Variants in ZNF479 observed in about 807,000 individuals in gnomAD.
The protein encoded by ZNF479 is KRAB zinc finger protein KR19.
A neutral mutation model predicts 14.7 loss-of-function variants in ZNF479; 15 were observed. The ratio of observed to expected loss-of-function variants is 1.02; its 90% CI spans 0.68 to 1.57. The LOEUF is 1.57. Among genes scored for constraint, ZNF479 ranks in the 40% most tolerant of loss-of-function variants. The probability of loss-of-function intolerance (pLI) is 0.00; values close to 1 mark genes in which losing one functional copy is unlikely to be tolerated. For synonymous variants in ZNF479, 145 were observed against 211.5 expected (o/e 0.69, Z 2.73); for missense variants, 506 against 615.1 (o/e 0.82, Z 1.88).
chr7:57,120,242 C>T lies in ZNF479; in HGVS notation c.1173G>A (p.Arg391=), dbSNP rs1785853879. 6.2e-7 allele frequency: 1 copy of T among 1,607,638 alleles called. No homozygotes were observed. The highest frequency in any genetic ancestry group is 8.5e-7 in the Non-Finnish European group (1 of 1,178,302). The change falls in exon 4 of 4, where the codon AGG becomes AGA. Residue 391 remains arginine, a synonymous_variant. Transcript: ENST00000319636. ...TGTGGATAGTAAGTGCTGAGGAGCGCCTAAAGTCTTGGCCACATTCTTCAC... is the reference window on the plus strand; with the variant it reads ...TGTGGATAGTAAGTGCTGAGGAGCGTCTAAAGTCTTGGCCACATTCTTCAC... ...YTCEECGQDF[R]RSSALTIHKR... is the part of the protein sequence containing the mutation.
intron 3 of ZNF479, among the ~76,000 whole-genome samples, chr7:57,121,710 G>A (rs1271008430): frequency 6.6e-6 from 1 of 152,178 alleles, no homozygotes; most frequent in Non-Finnish European, 1.5e-5. Context: ...ACAGGAAGGA[G>A]CTGCATTATA....
At chr7:57,125,707 A>G (rs1184824428) in intron 3 of ZNF479, among the ~76,000 whole-genome samples, 16 of 152,114 alleles carry the variant, frequency 1.1e-4, no homozygotes, top group Non-Finnish European at 1.9e-4. Context: ...AAATATGCAG[A>G]TATTAGTGTG....
upstream of ZNF479, among the ~76,000 whole-genome samples, chr7:57,137,342 A>G (rs1470308866): frequency 2.0e-5 from 3 of 151,570 alleles, no homozygotes; most frequent in Non-Finnish European, 4.4e-5. Flanking sequence ...ACTAAAAAAG[A>G]AAAAAAAGAG....
chr7:57,131,587 C>CA lies in ZNF479; in HGVS notation c.39+698dup, dbSNP rs57405080. On this transcript the variant is annotated intron_variant, in intron 1 of 3. Coordinates refer to ENST00000319636, the MANE Select transcript of ZNF479 (RefSeq NM_001370129.2). ...CAAAAATAAAAAACAAACAAACAAA[C>CA]AAAAAAAAAACATTTCTTGTAAATT... Among the ~76,000 whole-genome samples the CA allele has an allele frequency of 2.3e-3, 204 of 86,812 alleles. 5 individuals carry two copies. The highest frequency in any genetic ancestry group is 5.2e-3 in the African/African-American group (151 of 29,216). The allele number at this position is 86,812 out of a possible 152,430, so 57.0% of individuals were successfully genotyped here. A position where few individuals can be genotyped will look rare whatever the true frequency, so the allele number is the denominator to read the frequency against.
chr7:57,139,088 G>A (rs1786767676), intron 1 of ZNF479, among the ~76,000 whole-genome samples: 1 of 152,208 alleles, frequency 6.6e-6, no homozygotes. Context: ...AATCTCACAT[G>A]TGCCATATAA....
At chr7:57,134,938 T>C (rs1291895342), upstream of ZNF479, among the ~76,000 whole-genome samples, 1 of 152,072 alleles carries the variant, frequency 6.6e-6, no homozygotes, top group Non-Finnish European at 1.5e-5. Context: ...GCCTCCCAAA[T>C]TGCCGGGGTT....
In ZNF479 at chr7:57,118,115, G is replaced by T. The variant is rs199676868; in HGVS notation, c.*1725C>A. Among the ~76,000 whole-genome samples, 7,085 of 85,282 alleles carry T rather than the reference G, an allele frequency of 0.083. No individual in the cohort carries two copies. The highest frequency in any genetic ancestry group is 0.15 in the East Asian group (303 of 2,010). 55.9% of individuals were successfully genotyped at this position (85,282 alleles called of 152,430 possible). A position where few individuals can be genotyped will look rare whatever the true frequency, so the allele number is the denominator to read the frequency against. On this transcript the variant is annotated 3_prime_UTR_variant, in exon 4 of 4. Coordinates refer to ENST00000319636, the MANE Select transcript of ZNF479 (RefSeq NM_001370129.2). ...GTACAAACTGGTGTTTTCTAAGCTG[G>T]AGGTTTTGAAAAAATGTTTTTCACA... is the stretch of plus-strand genomic sequence containing the variant.
Position 57,118,505 on chromosome 7 carries a change from G to A in ZNF479, c.*1335C>T, listed in dbSNP as rs1294771439. 6.6e-6 allele frequency among the ~76,000 whole-genome samples: 1 copy of A among 151,968 alleles called. No individual in the cohort carries two copies. The highest frequency in any genetic ancestry group is 1.5e-5 in the Non-Finnish European group (1 of 68,004). On this transcript the variant is annotated 3_prime_UTR_variant, in exon 4 of 4. Transcript: ENST00000319636. ...TCCTACCTCTGCCTGCCAAGTAGCT[G>A]GGATTACAAGTGCACGCCACCACAC...
At chr7:57,131,018 G>C (rs888853722) in intron 1 of ZNF479, among the ~76,000 whole-genome samples, 30 of 152,090 alleles carry the variant, frequency 2.0e-4, no homozygotes, top group Admixed American at 7.2e-4. Flanking sequence ...ATAAAAAACT[G>C]TATGTTGTCA....
At chr7:57,125,798 T>A (rs201204691) in intron 3 of ZNF479, among the ~76,000 whole-genome samples, 14,602 of 139,428 alleles carry the variant, frequency 0.1, no homozygotes, top group East Asian at 0.18. Flanking sequence ...CACTGTGAAC[T>A]TGAAGAAAGA....
At chr7:57,138,319 T>A (rs1786736903) in intron 1 of ZNF479, among the ~76,000 whole-genome samples, 1 of 152,308 alleles carries the variant, frequency 6.6e-6, no homozygotes, top group Admixed American at 6.5e-5. Context: ...TCATGTATAT[T>A]CTATAAAGTC....
chr7:57,123,092 A>AT (rs895080944), intron 3 of ZNF479, among the ~76,000 whole-genome samples: 1 of 152,164 alleles, frequency 6.6e-6, no homozygotes, highest in Non-Finnish European at 1.5e-5. Flanking sequence ...AAAGAAAAAG[A>AT]TTTTTTTGAT....
chr7:57,120,635 C>T lies in ZNF479; in HGVS notation c.780G>A (p.Lys260=), dbSNP rs781988582. Reference sequence around the variant, plus strand: ...AGGGTTTCTCTCCAGTATGAGTTCTCTTATGTCTAGTAAGGTTTGCAGACC... The same window carrying T: ...AGGGTTTCTCTCCAGTATGAGTTCTTTTATGTCTAGTAAGGTTTGCAGACC... The part of the protein sequence containing the change: ...FSWSANLTRH[K]RTHTGEKPYT... Residue 260 remains lysine (K), a synonymous_variant, in exon 4 of 4, where the codon AAG becomes AAA. Transcript: ENST00000319636. 1.2e-6 allele frequency: 2 copies of T among 1,613,958 alleles called. No homozygotes were observed. Among genetic ancestry groups the T allele is most frequent in the South Asian group, 2.2e-5 (2 of 91,070 alleles).
upstream of ZNF479, among the ~76,000 whole-genome samples, chr7:57,133,107 C>G (rs887233610): frequency 2.0e-5 from 3 of 152,084 alleles, no homozygotes; most frequent in Non-Finnish European, 4.4e-5. Flanking sequence ...GCACTCCAGC[C>G]TGGGTGACAC....
chr7:57,125,449 C>A (rs1786116268), intron 3 of ZNF479, among the ~76,000 whole-genome samples: 1 of 151,232 alleles, frequency 6.6e-6, no homozygotes, highest in South Asian at 2.1e-4. Flanking sequence ...ATAAAAGGTA[C>A]CCTGCTTGCA....
chr7:57,127,480 G>A lies in ZNF479; in HGVS notation c.40-762C>T, dbSNP rs1259782730. The A allele has an allele frequency of 7.7e-6, 7 of 904,164 alleles. No individual in the cohort carries two copies. The South Asian group carries it at 1.5e-4, about 20-fold the overall frequency. The allele number at this position is 904,164 out of a possible 1,614,324, so 56.0% of individuals were successfully genotyped here. On this transcript the variant is annotated intron_variant, in intron 1 of 3. Transcript: ENST00000319636. ...TGAGATTTTGTTTCAGGAGATTTCC[G>A]AGGAAGTCTGAATTTCTGAATTTTT...
chr7:57,125,511 T>C (rs7457903), intron 3 of ZNF479, among the ~76,000 whole-genome samples: 51,929 of 144,110 alleles, frequency 0.36, 7,025 homozygotes, highest in East Asian at 0.59. Flanking sequence ...TAAATAAATA[T>C]ATATAAAAAA....
At chr7:57,128,345 C>T (rs1365475904) in intron 1 of ZNF479, among the ~76,000 whole-genome samples, 6 of 152,196 alleles carry the variant, frequency 3.9e-5, no homozygotes, top group Non-Finnish European at 5.9e-5. Flanking sequence ...TTCCTTAGCA[C>T]CCTGGAAAGC....
At chr7:57,131,769 TATAAC>T (rs1412907532) in intron 1 of ZNF479, among the ~76,000 whole-genome samples, 1 of 152,108 alleles carries the variant, frequency 6.6e-6, no homozygotes, top group African/African-American at 2.4e-5. Context: ...TCATGCAACT[TATAAC>T]AGACTTTTCT....
Sources: gnomAD v4.1 joint callset for allele counts (sites outside exome capture counted in the v4.1 genomes callset) on GRCh38, gnomAD v4.1.1 for gene constraint, MANE v1.5 for transcripts, NCBI Gene and HGNC (gene_info 2026-07-23, HGNC 2026-07-21) for gene names.